Variants in NCKAP5 observed in about 807,000 individuals in gnomAD.
NCKAP5 encodes NCK associated protein 5, also known as nck-associated protein 5.
NCKAP5 carries 92 observed loss-of-function variants against 167.0 expected under a neutral mutation model. That is an observed-to-expected ratio of 0.55 (90% confidence interval 0.47 to 0.66). The LOEUF (loss-of-function observed/expected upper bound fraction) is 0.66, where lower values mean the gene tolerates loss of function less well. Ranked by LOEUF, NCKAP5 falls within the 30% of genes least tolerant of loss-of-function variation. The pLI is 0.00. For missense variants in NCKAP5, 2,378 were observed against 2,315.0 expected (o/e 1.03, Z -0.56); for synonymous variants, 891 against 877.4 (o/e 1.02, Z -0.27).
intron 3 of NCKAP5, among the ~76,000 whole-genome samples, chr2:133,369,164 G>T (rs375909097): frequency 9.8e-5 from 15 of 152,292 alleles, no homozygotes; most frequent in African/African-American, 3.6e-4. Context: ...AGCTTTCATC[G>T]AGGGAATCAC....
intron 3 of NCKAP5, among the ~76,000 whole-genome samples, chr2:133,425,995 G>A (rs1403723352): frequency 6.6e-6 from 1 of 152,188 alleles, no homozygotes; most frequent in Non-Finnish European, 1.5e-5. Context: ...ATGCAGGCCA[G>A]GCACGGTGGC....
At chr2:133,389,532 C>T (rs752493775) in intron 3 of NCKAP5, among the ~76,000 whole-genome samples, 2 of 152,132 alleles carry the variant, frequency 1.3e-5, no homozygotes, top group African/African-American at 2.4e-5. Flanking sequence ...ATTAGAGACT[C>T]GACATGGAAG....
chr2:132,992,972 T>C (rs1202318203), intron 7 of NCKAP5, among the ~76,000 whole-genome samples: 1 of 152,220 alleles, frequency 6.6e-6, no homozygotes, highest in African/African-American at 2.4e-5. Flanking sequence ...TAAGGTTAAC[T>C]GTGGCCAGAT....
chr2:132,853,462 T>G (rs1209202917), intron 11 of NCKAP5, among the ~76,000 whole-genome samples: 1 of 152,200 alleles, frequency 6.6e-6, no homozygotes, highest in Non-Finnish European at 1.5e-5. Flanking sequence ...GGATGGTTTA[T>G]GTAAAGCCAG....
intron 3 of NCKAP5, among the ~76,000 whole-genome samples, chr2:133,471,952 T>A (rs1272886777): frequency 6.6e-6 from 1 of 152,248 alleles, no homozygotes; most frequent in Non-Finnish European, 1.5e-5. Flanking sequence ...TTTATTTTTC[T>A]TTTTATCTCA....
intron 6 of NCKAP5, among the ~76,000 whole-genome samples, chr2:133,037,522 A>G (rs1456460538): frequency 6.6e-6 from 1 of 152,180 alleles, no homozygotes; most frequent in Non-Finnish European, 1.5e-5. Context: ...TTTGTGACAA[A>G]GGTGCTAAGA....
intron 11 of NCKAP5, among the ~76,000 whole-genome samples, chr2:132,798,718 G>A (rs1684797880): frequency 6.6e-6 from 1 of 152,174 alleles, no homozygotes; most frequent in Non-Finnish European, 1.5e-5. Flanking sequence ...AGGTCTGCAT[G>A]GGAGAAAGGA....
chr2:132,888,101 C>T (rs1211198847), intron 8 of NCKAP5, among the ~76,000 whole-genome samples: 1 of 152,100 alleles, frequency 6.6e-6, no homozygotes, highest in Non-Finnish European at 1.5e-5. Context: ...GCTTTATACG[C>T]CTCTTTTCAA....
At chr2:133,210,915 C>T (rs900742665) in intron 5 of NCKAP5, among the ~76,000 whole-genome samples, 4 of 152,104 alleles carry the variant, frequency 2.6e-5, no homozygotes, top group Non-Finnish European at 5.9e-5. Context: ...GTTAGAAGCC[C>T]TCCAATGGTT....
chr2:133,489,029 C>CA (rs1681194176), intron 3 of NCKAP5, among the ~76,000 whole-genome samples: 2 of 152,168 alleles, frequency 1.3e-5, no homozygotes, highest in Non-Finnish European at 2.9e-5. Flanking sequence ...TTTGAGGCTG[C>CA]AGTGTGCCAT....
intron 16 of NCKAP5, among the ~76,000 whole-genome samples, chr2:132,760,403 T>C (rs947424344): frequency 2.6e-5 from 4 of 152,194 alleles, no homozygotes; most frequent in Non-Finnish European, 5.9e-5. Context: ...ATACAAATTA[T>C]ATCTTCAAGC....
At chr2:133,260,508 T>C (rs1012189706) in intron 4 of NCKAP5, among the ~76,000 whole-genome samples, 2 of 152,142 alleles carry the variant, frequency 1.3e-5, no homozygotes, top group African/African-American at 4.8e-5. Context: ...ACAAAATATT[T>C]AGATAGCCCT....
At chr2:133,190,810 T>C (rs544402005) in intron 5 of NCKAP5, among the ~76,000 whole-genome samples, 2 of 152,236 alleles carry the variant, frequency 1.3e-5, no homozygotes, top group Admixed American at 6.5e-5. Flanking sequence ...CCTAAACCTA[T>C]AAAAACCCTA....
At chr2:133,110,023 G>A (rs924399928) in intron 6 of NCKAP5, among the ~76,000 whole-genome samples, 3 of 152,160 alleles carry the variant, frequency 2.0e-5, no homozygotes, top group Non-Finnish European at 2.9e-5. Context: ...CAATCAAAGA[G>A]CAAAGCACAT....
intron 5 of NCKAP5, among the ~76,000 whole-genome samples, chr2:133,135,873 A>G (rs1331029891): frequency 6.6e-6 from 1 of 152,158 alleles, no homozygotes; most frequent in African/African-American, 2.4e-5. Context: ...GGCTAACTAA[A>G]ATTGTACAGC....
chr2:133,289,547 G>A (rs990139721), intron 4 of NCKAP5, among the ~76,000 whole-genome samples: 1 of 151,984 alleles, frequency 6.6e-6, no homozygotes, highest in African/African-American at 2.4e-5. Flanking sequence ...TTTGAAACCC[G>A]ACTGGCCAAC....
the NCKAP5 span, among the ~76,000 whole-genome samples, chr2:133,584,941 A>AGAAAGGAAG: frequency 8.8e-6 from 1 of 113,812 alleles, no homozygotes; most frequent in African/African-American, 3.3e-5. Flanking sequence ...AAAAAAAGAA[A>AGAAAGGAAG]GAAGGAAGGA....
intron 16 of NCKAP5, among the ~76,000 whole-genome samples, chr2:132,741,013 T>C (rs1253424287): frequency 6.6e-6 from 1 of 152,104 alleles, no homozygotes; most frequent in Non-Finnish European, 1.5e-5. Context: ...TGGTAGGATG[T>C]AGTTTAAGGA....
the NCKAP5 span, among the ~76,000 whole-genome samples, chr2:133,611,925 T>C: frequency 6.6e-6 from 1 of 152,202 alleles, no homozygotes; most frequent in African/African-American, 2.4e-5. Context: ...TGGATGTACT[T>C]TGGACCCATA....
Sources: allele counts gnomAD v4.1 joint callset (sites outside exome capture counted in the v4.1 genomes callset), GRCh38; gene constraint gnomAD v4.1.1; transcripts MANE v1.5; gene names NCBI Gene and HGNC (gene_info 2026-07-23, HGNC 2026-07-21).